Variants in COLEC12 observed in about 807,000 individuals in gnomAD.
The protein encoded by COLEC12 is collectin-12.
A neutral mutation model predicts 71.1 loss-of-function variants in COLEC12; 33 were observed. The observed-to-expected ratio is 0.46, with a 90% confidence interval of 0.35 to 0.62. COLEC12 has a LOEUF of 0.62. Ranked by LOEUF, COLEC12 falls within the 20% of genes least tolerant of loss-of-function variation. The pLI is 0.00. For missense variants in COLEC12, 765 were observed against 916.1 expected, an observed-to-expected ratio of 0.84 and a Z score of 2.13; for synonymous variants, 350 against 353.0, an observed-to-expected ratio of 0.99 and a Z score of 0.10.
chr18:498,718 ACC>A (rs1917760875), intron 1 of COLEC12, among the ~76,000 whole-genome samples: 1 of 152,056 alleles, frequency 6.6e-6, no homozygotes, highest in African/African-American at 2.4e-5. Flanking sequence ...CCGGGGATTC[ACC>A]AGTCCGTCCC....
rs1453267302 is a variant in COLEC12, at chr18:369,447, ATGT to A, written c.59-11928_59-11926del. Among the ~76,000 whole-genome samples the A allele has an allele frequency of 4.0e-5, 3 of 74,216 alleles. No homozygotes were observed. In the East Asian group the frequency reaches 1.2e-3, roughly 29 times the overall value. The allele number at this position is 74,216 out of a possible 152,430, so 48.7% of individuals were successfully genotyped here. ...TTTATTTTTATTTTTTTTTGGAATAATGTTTTTTTTTTTTATTATACTTTAAGT... is the reference window on the plus strand; with the variant it reads ...TTTATTTTTATTTTTTTTTGGAATAATTTTTTTTTTTATTATACTTTAAGT... On this transcript the variant is annotated intron_variant, in intron 2 of 9. Transcript: ENST00000400256.
chr18:350,896 G>A (rs112935337), intron 3 of COLEC12, among the ~76,000 whole-genome samples: 4 of 149,412 alleles, frequency 2.7e-5, no homozygotes, highest in Non-Finnish European at 5.9e-5. Flanking sequence ...GGAAGTGGAG[G>A]TTGCAGTGAG....
At chr18:406,911 G>C (rs557082622) in intron 2 of COLEC12, among the ~76,000 whole-genome samples, 1 of 152,254 alleles carries the variant, frequency 6.6e-6, no homozygotes, top group South Asian at 2.1e-4. Flanking sequence ...GAGCGATGAC[G>C]GGACAATGTG....
At chr18:437,995 G>A (rs373509841) in intron 2 of COLEC12, among the ~76,000 whole-genome samples, 18 of 152,262 alleles carry the variant, frequency 1.2e-4, no homozygotes, top group East Asian at 3.9e-4. Flanking sequence ...CATAGGTTAC[G>A]TGTTTATAGT....
intron 2 of COLEC12, among the ~76,000 whole-genome samples, chr18:426,352 A>G (rs1035739630): frequency 6.6e-6 from 1 of 152,186 alleles, no homozygotes; most frequent in African/African-American, 2.4e-5. Context: ...ATGTGATTCT[A>G]TGAGGTCTCT....
intron 8 of COLEC12, among the ~76,000 whole-genome samples, chr18:330,309 A>G (rs1913942930): frequency 6.6e-6 from 1 of 151,500 alleles, no homozygotes; most frequent in Admixed American, 6.6e-5. Flanking sequence ...TGCCCATGAG[A>G]CTCTCTTAGG....
intron 2 of COLEC12, among the ~76,000 whole-genome samples, chr18:468,329 A>T (rs1233799120): frequency 6.6e-6 from 1 of 152,148 alleles, no homozygotes; most frequent in Non-Finnish European, 1.5e-5. Flanking sequence ...CATTACATAG[A>T]TGCAAACCCA....
At chr18:445,450 GTTTA>G (rs1305577195) in intron 2 of COLEC12, among the ~76,000 whole-genome samples, 1 of 152,154 alleles carries the variant, frequency 6.6e-6, no homozygotes, top group Non-Finnish European at 1.5e-5. Flanking sequence ...AAACACAACA[GTTTA>G]TCAAGGTATA....
chr18:474,277 C>T (rs1168996296), intron 2 of COLEC12, among the ~76,000 whole-genome samples: 2 of 152,200 alleles, frequency 1.3e-5, no homozygotes, highest in Non-Finnish European at 2.9e-5. Context: ...ATTCCCACCT[C>T]AAAGGGTTTC....
intron 2 of COLEC12, among the ~76,000 whole-genome samples, chr18:466,829 C>A (rs1386122035): frequency 6.6e-6 from 1 of 152,092 alleles, no homozygotes; most frequent in Non-Finnish European, 1.5e-5. Context: ...AAGTCCCTGG[C>A]CCTTGAGAAC....
chr18:460,012 G>A (rs546430309), intron 2 of COLEC12, among the ~76,000 whole-genome samples: 17 of 150,348 alleles, frequency 1.1e-4, no homozygotes, highest in Non-Finnish European at 1.5e-4. Context: ...TTAGCTTGCC[G>A]AATTCTTCAC....
intron 2 of COLEC12, among the ~76,000 whole-genome samples, chr18:380,015 C>T (rs1290005185): frequency 6.6e-6 from 1 of 152,000 alleles, no homozygotes; most frequent in Non-Finnish European, 1.5e-5. Flanking sequence ...AAGAAAGAAT[C>T]CTACTTCCCT....
chr18:411,938 A>G (rs1238109340), intron 2 of COLEC12, among the ~76,000 whole-genome samples: 2 of 152,250 alleles, frequency 1.3e-5, no homozygotes, highest in African/African-American at 2.4e-5. Context: ...TATAGATTGA[A>G]AAGCAAATAA....
chr18:331,884 G>T, intron 7 of COLEC12, 107 bp from the exon 8 acceptor site: 2 of 709,490 alleles, frequency 2.8e-6, no homozygotes, highest in East Asian at 5.4e-5. Flanking sequence ...AAAGAGGATG[G>T]TTGTCAGAAT....
chr18:387,963 T>C (rs756221688), intron 2 of COLEC12, among the ~76,000 whole-genome samples: 5 of 147,032 alleles, frequency 3.4e-5, no homozygotes, highest in Admixed American at 2.1e-4. Context: ...TAGGAAAAAT[T>C]AATGCATGGG....
Position 327,829 on chromosome 18 carries a change from G to T in COLEC12, c.2063+3839C>A, listed in dbSNP as rs7241801. Among the ~76,000 whole-genome samples, 12,854 of 152,198 alleles carry T rather than the reference G, an allele frequency of 0.084. 603 individuals carry two copies. The highest frequency in any genetic ancestry group is 0.22 in the Middle Eastern group (66 of 294). ...GGGATGGGACGGTGCCAGGCCCATC[G>T]GCTTCTATTTTTTGGAAGAGTTTAA... On this transcript the variant is annotated intron_variant, in intron 8 of 9. Transcript: ENST00000400256. The surrounding 1 kb of genome is among the most constrained non-coding windows in gnomAD (Gnocchi z 4.0).
At chr18:425,342 C>A (rs1916180002) in intron 2 of COLEC12, among the ~76,000 whole-genome samples, 2 of 152,150 alleles carry the variant, frequency 1.3e-5, no homozygotes, top group Non-Finnish European at 2.9e-5. Context: ...TGGGCAGCTG[C>A]CCCTCCCACC....
intron 5 of COLEC12, among the ~76,000 whole-genome samples, chr18:339,299 T>C (rs1914191100): frequency 6.6e-6 from 1 of 152,186 alleles, no homozygotes; most frequent in East Asian, 1.9e-4. Flanking sequence ...GGGTAGTTTA[T>C]GGTGTTCAGC....
intron 2 of COLEC12, among the ~76,000 whole-genome samples, chr18:393,321 C>A (rs897743100): frequency 6.6e-6 from 1 of 152,166 alleles, no homozygotes; most frequent in African/African-American, 2.4e-5. Flanking sequence ...CAGAAGAAGC[C>A]TGTTTCTCTC....
Sources: gnomAD v4.1 joint callset for allele counts (sites outside exome capture counted in the v4.1 genomes callset) on GRCh38, gnomAD v4.1.1 for gene constraint, Gnocchi (gnomAD v3.1) non-coding constraint, MANE v1.5 for transcripts, NCBI Gene and HGNC (gene_info 2026-07-23, HGNC 2026-07-21) for gene names.